The following FAM110B variants were observed in gnomAD, a reference collection of about 807,000 sequenced individuals.
FAM110B encodes the protein protein FAM110B.
FAM110B carries 6 observed loss-of-function variants against 20.4 expected under a neutral mutation model. That is an observed-to-expected ratio of 0.29 (90% CI 0.16 to 0.58). The LOEUF is 0.58. FAM110B is among the 20% of genes least tolerant of loss of function. FAM110B has a pLI of 0.90. For missense variants in FAM110B, 434 were observed against 498.2 expected (o/e 0.87, Z 1.23); for synonymous variants, 226 against 214.1 (o/e 1.06, Z -0.49).
intron 1 of FAM110B, among the ~76,000 whole-genome samples, chr8:58,020,257 T>G (rs971272053): frequency 6.6e-6 from 1 of 152,220 alleles, no homozygotes; most frequent in Non-Finnish European, 1.5e-5. Context: ...CCTTCACTAG[T>G]GAGCTCACTA....
At chr8:58,020,632 A>G (rs1054641979) in intron 1 of FAM110B, among the ~76,000 whole-genome samples, 7 of 152,336 alleles carry the variant, frequency 4.6e-5, no homozygotes, top group East Asian at 1.9e-4. Flanking sequence ...TTCCTGTTGG[A>G]TTAAAAGATT....
chr8:58,079,520 T>C (rs1042569523), intron 3 of FAM110B, among the ~76,000 whole-genome samples: 1 of 152,190 alleles, frequency 6.6e-6, no homozygotes, highest in Non-Finnish European at 1.5e-5. Flanking sequence ...CTTACGCTTG[T>C]AATCGCAGCA....
chr8:58,047,642 T>TATAAATCA (rs1805356954), intron 2 of FAM110B, among the ~76,000 whole-genome samples: 1 of 83,078 alleles, frequency 1.2e-5, no homozygotes, highest in East Asian at 3.3e-4. Flanking sequence ...CTCTGACTTA[T>TATAAATCA]ATAAATCAAG....
chr8:58,091,285 TGA>T (rs1806470788), intron 3 of FAM110B, among the ~76,000 whole-genome samples: 1 of 152,198 alleles, frequency 6.6e-6, no homozygotes, highest in South Asian at 2.1e-4. Context: ...TTCCAGGATG[TGA>T]GAGTGCCTAG....
chr8:58,107,983 T>C (rs1302498791), intron 3 of FAM110B, among the ~76,000 whole-genome samples: 1 of 152,246 alleles, frequency 6.6e-6, no homozygotes, highest in African/African-American at 2.4e-5. Context: ...CTAGTCTTTC[T>C]AATTTTTTAC....
intron 3 of FAM110B, among the ~76,000 whole-genome samples, chr8:58,118,617 T>C (rs1363628626): frequency 6.6e-6 from 1 of 152,216 alleles, no homozygotes; most frequent in Non-Finnish European, 1.5e-5. Flanking sequence ...CTAAGGAGAC[T>C]GTTTACCTTC....
intron 3 of FAM110B, among the ~76,000 whole-genome samples, chr8:58,096,748 A>C (rs1002440432): frequency 4.6e-5 from 7 of 152,184 alleles, no homozygotes; most frequent in African/African-American, 1.7e-4. Flanking sequence ...TGGTGACAGA[A>C]TCTCTCAGCA....
intron 2 of FAM110B, among the ~76,000 whole-genome samples, chr8:58,056,582 C>T (rs1805551350): frequency 6.6e-6 from 1 of 152,110 alleles, no homozygotes; most frequent in East Asian, 1.9e-4. Flanking sequence ...ATAAATTACC[C>T]AAGATGACAT....
chr8:58,123,037 G>A (rs950213904), intron 3 of FAM110B, among the ~76,000 whole-genome samples: 3 of 152,178 alleles, frequency 2.0e-5, no homozygotes, highest in Admixed American at 1.3e-4. Context: ...AGCATCCTGT[G>A]TTCTGTTCCT....
intron 3 of FAM110B, among the ~76,000 whole-genome samples, chr8:58,121,747 T>A (rs143918588): frequency 9.8e-5 from 15 of 152,322 alleles, no homozygotes; most frequent in South Asian, 8.3e-4. Context: ...TTTTCCCAAA[T>A]GTTCCAGCAT....
At position 58,121,704 on chromosome 8, in the gene FAM110B, G is replaced by A. The variant is rs546906224; in HGVS notation, c.-324-24203G>A. Among the ~76,000 whole-genome samples the A allele has an allele frequency of 1.3e-4, 19 of 151,884 alleles. No individual in the cohort carries two copies. In the South Asian group the frequency reaches 2.1e-3, roughly 17 times the overall value. ...GTTAATGACCTCCTTTTTGTCTTTC[G>A]CCGTATTTTCTAATATATCTGGAGT... is the stretch of plus-strand genomic sequence containing the variant. On this transcript the variant is annotated intron_variant, in intron 3 of 3. Coordinates refer to ENST00000519262, the MANE Select transcript of FAM110B (RefSeq NM_001377989.1).
chr8:58,124,308 C>A (rs543517898), intron 3 of FAM110B, among the ~76,000 whole-genome samples: 7 of 152,296 alleles, frequency 4.6e-5, no homozygotes, highest in Admixed American at 2.6e-4. Context: ...AATTGTGAAA[C>A]CCTCAGCTTC....
At chr8:58,110,680 T>C (rs1268675670) in intron 3 of FAM110B, among the ~76,000 whole-genome samples, 2 of 152,224 alleles carry the variant, frequency 1.3e-5, no homozygotes, top group South Asian at 2.1e-4. Flanking sequence ...AACTGTATTA[T>C]TGGTCAACTA....
chr8:58,045,241 T>A (rs1478771699), intron 2 of FAM110B, among the ~76,000 whole-genome samples: 2 of 152,198 alleles, frequency 1.3e-5, no homozygotes, highest in Non-Finnish European at 2.9e-5. Context: ...TCAGCAGTCA[T>A]CAGGGCTGTG....
intron 1 of FAM110B, among the ~76,000 whole-genome samples, chr8:58,025,403 G>A (rs575853414): frequency 6.6e-6 from 1 of 152,274 alleles, no homozygotes; most frequent in South Asian, 2.1e-4. Context: ...CCTGATGAGA[G>A]GGTGCTGTAG....
intron 3 of FAM110B, among the ~76,000 whole-genome samples, chr8:58,123,550 A>C (rs1032458571): frequency 1.3e-5 from 2 of 152,192 alleles, no homozygotes; most frequent in Non-Finnish European, 2.9e-5. Flanking sequence ...TTACTTTTTA[A>C]TCACTGATTT....
At chr8:58,009,652 A>C (rs185022430) in intron 1 of FAM110B, among the ~76,000 whole-genome samples, 1 of 152,342 alleles carries the variant, frequency 6.6e-6, no homozygotes, top group Non-Finnish European at 1.5e-5. Context: ...AAGATAACAT[A>C]TATGGTTCAC....
chr8:58,055,676 T>C (rs919586607), intron 2 of FAM110B, among the ~76,000 whole-genome samples: 10 of 152,200 alleles, frequency 6.6e-5, no homozygotes, highest in Non-Finnish European at 1.3e-4. Context: ...ACGGGCCTTG[T>C]TGAGAGCCAA....
chr8:58,130,187 T>A lies in FAM110B; in HGVS notation c.-324-15720T>A, dbSNP rs576757533. Reference sequence around the variant, plus strand: ...AGCACTTCTTTAAAAACCAATGAATTCTAGTTTTGAACAGTTTGAATTGTT... The same window carrying A: ...AGCACTTCTTTAAAAACCAATGAATACTAGTTTTGAACAGTTTGAATTGTT... On this transcript the variant is annotated intron_variant, in intron 3 of 3. Transcript: ENST00000519262. 3.3e-5 allele frequency among the ~76,000 whole-genome samples: 5 copies of A among 152,330 alleles called. No individual in the cohort carries two copies. In the East Asian group the frequency reaches 9.6e-4, roughly 29 times the overall value.
Sources: gnomAD v4.1 joint callset for allele counts (sites outside exome capture counted in the v4.1 genomes callset) on GRCh38, gnomAD v4.1.1 for gene constraint, MANE v1.5 for transcripts, NCBI Gene and HGNC (gene_info 2026-07-23, HGNC 2026-07-21) for gene names.